CYSLTR1: variants seen among roughly 807,000 people sequenced by gnomAD.
The protein encoded by CYSLTR1 is G-protein coupled receptor HG55.
Under a neutral mutation model 2.1 loss-of-function variants are expected in CYSLTR1, and 1 was observed. The observed-to-expected ratio is 0.48, with a 90% CI of 0.17 to 2.28. CYSLTR1 has a LOEUF of 2.28. CYSLTR1 is among the 30% of genes most tolerant of loss of function. The pLI is 0.26. For missense variants in CYSLTR1, 299 were observed against 250.1 expected, an observed-to-expected ratio of 1.20 and a Z score of -1.32; for synonymous variants, 110 against 89.6, an observed-to-expected ratio of 1.23 and a Z score of -1.28.
chrX:78,277,953 C>G (rs1921671355), intron 2 of CYSLTR1, among the ~76,000 whole-genome samples: 1 of 111,345 alleles, frequency 9.0e-6, no homozygotes, highest in Admixed American at 9.6e-5. Flanking sequence ...ACATAGAATT[C>G]AAAAATCTGT....
chrX:78,312,071 C>T (rs978662166), intron 1 of CYSLTR1, among the ~76,000 whole-genome samples: 2 of 111,625 alleles, frequency 1.8e-5, no homozygotes, highest in Non-Finnish European at 3.8e-5. Context: ...CATTACTCAA[C>T]GTCAAACCAT....
chrX:78,279,621 G>A (rs1921747324), intron 2 of CYSLTR1, among the ~76,000 whole-genome samples: 1 of 111,932 alleles, frequency 8.9e-6, no homozygotes. Flanking sequence ...TGTATAAATT[G>A]TTCTTCTATA....
At chrX:78,302,105 A>C (rs745991820) in intron 1 of CYSLTR1, among the ~76,000 whole-genome samples, 11 of 112,256 alleles carry the variant, frequency 9.8e-5, no homozygotes, top group Non-Finnish European at 1.5e-4. Flanking sequence ...GGGAGTTTCA[A>C]ATCAAGATGA....
At chrX:78,326,746 G>A (rs944498545) in intron 1 of CYSLTR1, among the ~76,000 whole-genome samples, 1 of 111,475 alleles carries the variant, frequency 9.0e-6, no homozygotes, top group Non-Finnish European at 1.9e-5. Flanking sequence ...CTAGTTGTAC[G>A]GTGTGTTTCA....
At chrX:78,304,410 T>C (rs1309203233) in intron 1 of CYSLTR1, among the ~76,000 whole-genome samples, 1 of 111,273 alleles carries the variant, frequency 9.0e-6, no homozygotes, top group Non-Finnish European at 1.9e-5. Context: ...CAGGTTTCAC[T>C]AACTCAGACC....
At chrX:78,295,745 G>A (rs746869082) in intron 1 of CYSLTR1, among the ~76,000 whole-genome samples, 1 of 111,210 alleles carries the variant, frequency 9.0e-6, no homozygotes, top group Non-Finnish European at 1.9e-5. Context: ...TAAATTATTA[G>A]ATTTCTTTTC....
At chrX:78,291,783 G>T (rs1320294165) in intron 1 of CYSLTR1, among the ~76,000 whole-genome samples, 1 of 111,139 alleles carries the variant, frequency 9.0e-6, no homozygotes, top group Non-Finnish European at 1.9e-5. Flanking sequence ...ATGGTAGTTT[G>T]TATTGCTGTG....
chrX:78,275,001 GAGAAATGCAA>G (rs1436431259), intron 2 of CYSLTR1, among the ~76,000 whole-genome samples: 2 of 111,657 alleles, frequency 1.8e-5, no homozygotes, highest in African/African-American at 6.5e-5. Flanking sequence ...CTGGCCATCA[GAGAAATGCAA>G]ATCAAAACCA....
intron 2 of CYSLTR1, among the ~76,000 whole-genome samples, chrX:78,274,304 A>G (rs769505505): frequency 2.7e-5 from 3 of 111,411 alleles, no homozygotes; most frequent in Admixed American, 9.6e-5. Flanking sequence ...ACGCTACCTG[A>G]CTTCAAACTA....
intron 2 of CYSLTR1, among the ~76,000 whole-genome samples, chrX:78,276,468 A>G (rs1250254922): frequency 1.8e-5 from 2 of 110,502 alleles, no homozygotes; most frequent in Non-Finnish European, 3.8e-5. Flanking sequence ...CATGAAGGGG[A>G]CTGATCTTTA....
intron 1 of CYSLTR1, among the ~76,000 whole-genome samples, chrX:78,316,796 A>C (rs911654564): frequency 1.8e-5 from 2 of 112,264 alleles, no homozygotes; most frequent in Non-Finnish European, 1.9e-5. Context: ...TAGAAGAATG[A>C]AACTGGATCC....
chrX:78,280,318 T>C (rs1041415723), intron 2 of CYSLTR1, among the ~76,000 whole-genome samples: 1 of 111,590 alleles, frequency 9.0e-6, no homozygotes, highest in Non-Finnish European at 1.9e-5. Context: ...CTGGGCAATA[T>C]TATCTTGTAA....
At chrX:78,288,226 A>G (rs1417568693) in intron 1 of CYSLTR1, among the ~76,000 whole-genome samples, 1 of 110,732 alleles carries the variant, frequency 9.0e-6, no homozygotes, top group African/African-American at 3.3e-5. Context: ...TAAGGTGCCA[A>G]CACATATACC....
At chrX:78,302,809 A>G (rs1922872982) in intron 1 of CYSLTR1, among the ~76,000 whole-genome samples, 1 of 109,717 alleles carries the variant, frequency 9.1e-6, no homozygotes, top group African/African-American at 3.3e-5. Flanking sequence ...AGTCCTCCCA[A>G]CTCTTCTCTG....
intron 2 of CYSLTR1, among the ~76,000 whole-genome samples, chrX:78,275,664 G>T (rs1440536431): frequency 3.6e-5 from 4 of 110,649 alleles, no homozygotes; most frequent in Non-Finnish European, 7.6e-5. Flanking sequence ...ACACCAACAT[G>T]GCACATGTAT....
At chrX:78,319,844 T>C (rs1923569786) in intron 1 of CYSLTR1, 1 of 112,233 alleles carries the variant, frequency 8.9e-6, no homozygotes, top group Admixed American at 9.4e-5. Flanking sequence ...GGTTTTGATT[T>C]GCATTTCTCT....
At chrX:78,306,166 G>A (rs745388313) in intron 1 of CYSLTR1, among the ~76,000 whole-genome samples, 20 of 111,482 alleles carry the variant, frequency 1.8e-4, no homozygotes, top group African/African-American at 6.2e-4. Flanking sequence ...GTCGTTGAGG[G>A]TTTTTCTTTT....
At chrX:78,321,440 C>T (rs886675439) in intron 1 of CYSLTR1, 4 of 110,261 alleles carry the variant, frequency 3.6e-5, no homozygotes, top group African/African-American at 6.6e-5. Flanking sequence ...CCTGTAATCC[C>T]AGCGCTTTGG....
intron 1 of CYSLTR1, among the ~76,000 whole-genome samples, chrX:78,308,572 T>C (rs904999910): frequency 1.8e-5 from 2 of 111,854 alleles, no homozygotes; most frequent in Non-Finnish European, 3.8e-5. Flanking sequence ...TAAGAAGAAA[T>C]CAAGCTGGAA....
Sources: gnomAD v4.1 joint callset for allele counts (sites outside exome capture counted in the v4.1 genomes callset) on GRCh38, gnomAD v4.1.1 for gene constraint, MANE v1.5 for transcripts, NCBI Gene and HGNC (gene_info 2026-07-23, HGNC 2026-07-21) for gene names.